Variants in ARHGAP18 observed in about 807,000 individuals in gnomAD.
The protein encoded by ARHGAP18 is Rho GTPase activating protein 18.
In ARHGAP18, 67 loss-of-function variants were observed where a neutral mutation model predicts 86.2. That is an observed-to-expected ratio of 0.78 (90% CI 0.64 to 0.95). ARHGAP18 has a LOEUF of 0.95. Among genes scored for constraint, ARHGAP18 ranks in the 40% least tolerant of loss-of-function variants. The pLI is 0.00. For missense variants in ARHGAP18, 691 were observed against 780.4 expected, an observed-to-expected ratio of 0.89 and a Z score of 1.37; for synonymous variants, 283 against 280.4, an observed-to-expected ratio of 1.01 and a Z score of -0.09.
chr6:129,675,892 C>A (rs920377220), intron 1 of ARHGAP18, among the ~76,000 whole-genome samples: 4 of 152,166 alleles, frequency 2.6e-5, no homozygotes, highest in Non-Finnish European at 5.9e-5. Context: ...TCCACCCCAC[C>A]CTCCTCCATT....
At chr6:129,586,095 A>G (rs1788390302) in intron 12 of ARHGAP18, among the ~76,000 whole-genome samples, 1 of 152,216 alleles carries the variant, frequency 6.6e-6, no homozygotes, top group South Asian at 2.1e-4. Flanking sequence ...TTATTAAATC[A>G]ATGGTGTAAC....
intron 1 of ARHGAP18, among the ~76,000 whole-genome samples, chr6:129,650,611 T>A (rs1048088080): frequency 3.3e-5 from 5 of 152,134 alleles, no homozygotes; most frequent in East Asian, 3.9e-4. Context: ...GATGAAGGTA[T>A]CTGTAGTGGG....
At chr6:129,656,638 C>T (rs997093301) in intron 1 of ARHGAP18, among the ~76,000 whole-genome samples, 31 of 147,176 alleles carry the variant, frequency 2.1e-4, no homozygotes, top group African/African-American at 6.4e-4. Flanking sequence ...AGCGAGATTC[C>T]GTCTCAAAAA....
At chr6:129,621,075 T>C (rs1789219218) in intron 5 of ARHGAP18, among the ~76,000 whole-genome samples, 1 of 152,228 alleles carries the variant, frequency 6.6e-6, no homozygotes, top group Non-Finnish European at 1.5e-5. Context: ...ATGTTAACTA[T>C]AATATTGTTA....
At chr6:129,659,537 G>A (rs751432715) in intron 1 of ARHGAP18, among the ~76,000 whole-genome samples, 2 of 151,884 alleles carry the variant, frequency 1.3e-5, no homozygotes, top group Non-Finnish European at 2.9e-5. Flanking sequence ...ACACAATCTC[G>A]GCTTACTTCA....
chr6:129,616,175 A>G, intron 7 of ARHGAP18, 37 bp downstream of exon 7: 2 of 1,474,112 alleles, frequency 1.4e-6, no homozygotes, highest in Non-Finnish European at 9.3e-7. Context: ...TAGCTTAAGT[A>G]TGTTCTCTCT....
intron 1 of ARHGAP18, among the ~76,000 whole-genome samples, chr6:129,667,894 G>A (rs1347837310): frequency 6.6e-6 from 1 of 152,150 alleles, no homozygotes; most frequent in Non-Finnish European, 1.5e-5. Context: ...TGAAACAATG[G>A]AAAAGCAAGG....
At chr6:129,625,165 T>TTATATGTAATATG (rs1789345769) in intron 5 of ARHGAP18, among the ~76,000 whole-genome samples, 1 of 51,490 alleles carries the variant, frequency 1.9e-5, no homozygotes, top group African/African-American at 9.4e-5. Context: ...AGATATATAT[T>TTATATGTAATATG]ATATATGATA....
chr6:129,638,433 G>A lies in ARHGAP18; in HGVS notation c.513C>T (p.Val171=). Residue 171 remains valine (V), a synonymous_variant, in exon 3 of 15, where the codon GTC becomes GTT. Coordinates refer to ENST00000368149, the MANE Select transcript of ARHGAP18 (RefSeq NM_033515.3). The part of the protein sequence containing the change: ...KKNKQYQIPD[V]RDIFAQQRES... ...CTCTCTGTTGAGCAAATATGTCTCTGACGTCAGGAATCTGGTACTGTTTGT... is the reference window on the plus strand; with the variant it reads ...CTCTCTGTTGAGCAAATATGTCTCTAACGTCAGGAATCTGGTACTGTTTGT... The A allele has an allele frequency of 6.2e-7, 1 of 1,614,134 alleles. No homozygotes were observed. The highest frequency in any genetic ancestry group is 8.5e-7 in the Non-Finnish European group (1 of 1,180,016).
At chr6:129,628,455 T>C (rs945644605) in intron 5 of ARHGAP18, among the ~76,000 whole-genome samples, 22 of 152,196 alleles carry the variant, frequency 1.4e-4, no homozygotes, top group Non-Finnish European at 2.8e-4. Flanking sequence ...TATAAGATAT[T>C]TGCCCAGTCT....
intron 1 of ARHGAP18, among the ~76,000 whole-genome samples, chr6:129,681,617 A>T (rs144319841): frequency 2.8e-4 from 43 of 152,336 alleles, no homozygotes; most frequent in African/African-American, 9.9e-4. Flanking sequence ...ATTTTATTTG[A>T]GCTATTAACT....
At chr6:129,581,848 T>C (rs1788296157) in intron 13 of ARHGAP18, among the ~76,000 whole-genome samples, 1 of 152,080 alleles carries the variant, frequency 6.6e-6, no homozygotes, top group Admixed American at 6.6e-5. Flanking sequence ...AAGAAATATA[T>C]AAACATTTAC....
intron 10 of ARHGAP18, 86 bp from the exon 11 acceptor site, chr6:129,600,934 T>C (rs1788726274): frequency 2.5e-6 from 3 of 1,200,644 alleles, no homozygotes; most frequent in Middle Eastern, 2.5e-4. Flanking sequence ...TTTTATTTCA[T>C]TGAAAAAACA....
intron 1 of ARHGAP18, among the ~76,000 whole-genome samples, chr6:129,708,246 G>A (rs1402970158): frequency 6.6e-6 from 1 of 152,180 alleles, no homozygotes; most frequent in African/African-American, 2.4e-5. Context: ...AACTAATTCA[G>A]TGGTGGGAAG....
At chr6:129,638,268 T>C (rs1300415823) in intron 3 of ARHGAP18, 126 bp downstream of exon 3, 7 of 934,248 alleles carry the variant, frequency 7.5e-6, no homozygotes, top group African/African-American at 1.7e-5. Flanking sequence ...CCTGCAAGCA[T>C]AGAGCTTTGG....
chr6:129,642,360 C>T (rs1324468100), intron 1 of ARHGAP18, among the ~76,000 whole-genome samples: 2 of 152,150 alleles, frequency 1.3e-5, no homozygotes, highest in South Asian at 2.1e-4. Flanking sequence ...CCATAGCTCA[C>T]TTTAATTCCA....
chr6:129,696,969 G>T (rs568024809), intron 1 of ARHGAP18, among the ~76,000 whole-genome samples: 1 of 152,130 alleles, frequency 6.6e-6, no homozygotes, highest in African/African-American at 2.4e-5. Flanking sequence ...CCATCCTCTC[G>T]AATCTAGGTT....
At position 129,578,482 on chromosome 6, in the gene ARHGAP18, C is replaced by A; in HGVS notation, c.*31G>T. ...ACTCAGCAAGAATTATGACAGAAGT[C>A]CACATGGTTATCTGCAGCTTGTTAA... On this transcript the variant is annotated 3_prime_UTR_variant, in exon 15 of 15. Transcript: ENST00000368149. 2 of 1,556,034 alleles carry A rather than the reference C, an allele frequency of 1.3e-6. No homozygotes were observed. Among genetic ancestry groups the A allele is most frequent in the South Asian group, 2.3e-5 (2 of 87,992 alleles).
At chr6:129,626,105 C>CACACATAT (rs1425322925) in intron 5 of ARHGAP18, among the ~76,000 whole-genome samples, 2,638 of 124,584 alleles carry the variant, frequency 0.021, 36 homozygotes, top group Middle Eastern at 0.036. Context: ...CACACACACA[C>CACACATAT]ATATATAGAA....
Sources: allele counts gnomAD v4.1 joint callset (sites outside exome capture counted in the v4.1 genomes callset), GRCh38; gene constraint gnomAD v4.1.1; transcripts MANE v1.5; gene names NCBI Gene and HGNC (gene_info 2026-07-23, HGNC 2026-07-21).